SPOCK1: variants seen among roughly 807,000 people sequenced by gnomAD.
The protein encoded by SPOCK1 is testican-1.
In SPOCK1, 23 loss-of-function variants were observed where a neutral mutation model predicts 55.3. The observed-to-expected ratio is 0.42, with a 90% CI of 0.30 to 0.59. SPOCK1 has a LOEUF of 0.59. Ranked by LOEUF, SPOCK1 falls within the 20% of genes least tolerant of loss-of-function variation. SPOCK1 has a pLI of 0.22. For synonymous variants in SPOCK1, 226 were observed against 221.0 expected (o/e 1.02, Z -0.20); for missense variants, 499 against 552.5 (o/e 0.90, Z 0.97).
intron 4 of SPOCK1, among the ~76,000 whole-genome samples, chr5:137,115,529 G>T (rs1561614793): frequency 6.6e-6 from 1 of 152,144 alleles, no homozygotes; most frequent in African/African-American, 2.4e-5. Context: ...TATACCTGCA[G>T]AGCAGCAAGC....
intron 8 of SPOCK1, among the ~76,000 whole-genome samples, chr5:136,987,727 T>C (rs1230140167): frequency 6.6e-6 from 1 of 151,826 alleles, no homozygotes; most frequent in Non-Finnish European, 1.5e-5. Context: ...ATGCCTGTAG[T>C]TGTATGTTCT....
chr5:137,172,875 C>G (rs1177288511), intron 3 of SPOCK1, among the ~76,000 whole-genome samples: 7 of 152,146 alleles, frequency 4.6e-5, no homozygotes, highest in African/African-American at 9.7e-5. Context: ...TAAAGGCTGT[C>G]TGCAAAGACA....
At chr5:137,412,031 C>T (rs1048214863) in intron 2 of SPOCK1, among the ~76,000 whole-genome samples, 2 of 152,144 alleles carry the variant, frequency 1.3e-5, no homozygotes, top group African/African-American at 2.4e-5. Context: ...GCAGAGCCCT[C>T]GGACTCCAGA....
chr5:137,301,636 C>CTTTTTTTTTTTTTTTTTTTTTTT (rs34828127), intron 2 of SPOCK1, among the ~76,000 whole-genome samples: 2 of 129,798 alleles, frequency 1.5e-5, no homozygotes, highest in African/African-American at 3.0e-5. Context: ...ATTTCGTCTC[C>CTTTTTTTTTTTTTTTTTTTTTTT]TTTTTTTTTT....
chr5:137,492,493 A>G (rs1754205093), intron 2 of SPOCK1, among the ~76,000 whole-genome samples: 1 of 152,108 alleles, frequency 6.6e-6, no homozygotes, highest in Non-Finnish European at 1.5e-5. Context: ...ACATAAAACC[A>G]CAGCTTCTTA....
chr5:137,461,691 G>T (rs1213774970), intron 2 of SPOCK1, among the ~76,000 whole-genome samples: 1 of 152,170 alleles, frequency 6.6e-6, no homozygotes, highest in African/African-American at 2.4e-5. Context: ...GAAAAGCAGA[G>T]CTGCCTTTTA....
chr5:137,445,639 T>C (rs1355744550), intron 2 of SPOCK1, among the ~76,000 whole-genome samples: 1 of 152,210 alleles, frequency 6.6e-6, no homozygotes, highest in Non-Finnish European at 1.5e-5. Context: ...AGAAGAACTC[T>C]TCCATTTTCA....
intron 2 of SPOCK1, among the ~76,000 whole-genome samples, chr5:137,297,070 CATA>C (rs1561496561): frequency 6.6e-6 from 1 of 152,120 alleles, no homozygotes; most frequent in African/African-American, 2.4e-5. Flanking sequence ...TGTATATAAA[CATA>C]ATATGTATGT....
chr5:137,279,294 A>G (rs1757127722), intron 2 of SPOCK1, among the ~76,000 whole-genome samples: 1 of 152,250 alleles, frequency 6.6e-6, no homozygotes, highest in African/African-American at 2.4e-5. Context: ...GAGAAGTAAC[A>G]AGAAAGGTAA....
intron 9 of SPOCK1, 143 bp downstream of exon 9, chr5:136,984,997 A>G: frequency 1.2e-6 from 1 of 824,698 alleles, no homozygotes; most frequent in South Asian, 1.6e-5. Flanking sequence ...AGCTGCCTGG[A>G]AGAGCTCTGC....
At position 137,067,686 on chromosome 5, in the gene SPOCK1, C is replaced by T. The variant is rs200983147; in HGVS notation, c.589+29G>A. 56 of 1,599,878 alleles carry T rather than the reference C, an allele frequency of 3.5e-5. No homozygotes were observed. In the East Asian group the frequency reaches 6.0e-4, roughly 17 times the overall value. ...CTCTGTGACCCCCCATTCCTGCCCA[C>T]GAATTCTCTGAAGGAAACCCTCACT... On this transcript the variant is annotated intron_variant, in intron 6 of 10. Transcript: ENST00000394945.
At chr5:136,979,009 CTT>C (rs961773613) in intron 10 of SPOCK1, among the ~76,000 whole-genome samples, 165 bp from the exon 11 acceptor site, 6 of 152,196 alleles carry the variant, frequency 3.9e-5, no homozygotes, top group African/African-American at 1.4e-4. Flanking sequence ...ACATTACAAA[CTT>C]TGTTCTCGTA....
At chr5:137,243,135 C>T (rs190282129) in intron 3 of SPOCK1, among the ~76,000 whole-genome samples, 1 of 152,244 alleles carries the variant, frequency 6.6e-6, no homozygotes, top group East Asian at 1.9e-4. Context: ...GTTATCCAAA[C>T]GTGTCCTGGG....
rs540423658 is a variant in SPOCK1, at chr5:137,200,335, C to A, written c.233-59641G>T. 4.1e-4 allele frequency among the ~76,000 whole-genome samples: 63 copies of A among 152,236 alleles called. No homozygotes were observed. The South Asian group carries it at 0.011, about 27-fold the overall frequency. On this transcript the variant is annotated intron_variant, in intron 3 of 10. Transcript: ENST00000394945. ...GCTTCTCAGTGAGGCCTTTCCCTGGCCCCATCTGAAATATCAAACCTCCTA... is the reference window on the plus strand; with the variant it reads ...GCTTCTCAGTGAGGCCTTTCCCTGGACCCATCTGAAATATCAAACCTCCTA...
At chr5:137,423,058 C>G (rs370994550) in intron 2 of SPOCK1, among the ~76,000 whole-genome samples, 2 of 152,178 alleles carry the variant, frequency 1.3e-5, no homozygotes, top group Non-Finnish European at 2.9e-5. Context: ...CACTCCAGAC[C>G]CTGTTTGCCT....
chr5:137,082,844 T>A (rs1008360905), intron 5 of SPOCK1, among the ~76,000 whole-genome samples: 2 of 152,188 alleles, frequency 1.3e-5, no homozygotes, highest in Middle Eastern at 3.2e-3. Flanking sequence ...GATTTCAAAG[T>A]TAGAAAGTTC....
chr5:137,006,381 T>C, intron 6 of SPOCK1, among the ~76,000 whole-genome samples: 1 of 152,178 alleles, frequency 6.6e-6, no homozygotes. Flanking sequence ...CTTATTTCCT[T>C]GAGCAGTGGT....
chr5:136,993,354 G>T (rs961634293), intron 6 of SPOCK1, among the ~76,000 whole-genome samples: 2 of 152,226 alleles, frequency 1.3e-5, no homozygotes, highest in African/African-American at 4.8e-5. Flanking sequence ...CTTGAGGAAA[G>T]AAATCCCAAA....
intron 3 of SPOCK1, among the ~76,000 whole-genome samples, chr5:137,193,465 A>G (rs1173144619): frequency 6.6e-6 from 1 of 152,178 alleles, no homozygotes; most frequent in African/African-American, 2.4e-5. Flanking sequence ...TGGAGAAGAA[A>G]CATACAGACA....
Sources: allele counts gnomAD v4.1 joint callset (sites outside exome capture counted in the v4.1 genomes callset), GRCh38; gene constraint gnomAD v4.1.1; transcripts MANE v1.5; gene names NCBI Gene and HGNC (gene_info 2026-07-23, HGNC 2026-07-21).